TIMELESS: variants seen among roughly 807,000 people sequenced by gnomAD.
TIMELESS encodes protein timeless homolog.
Under a neutral mutation model 164.3 loss-of-function variants are expected in TIMELESS, and 124 were observed. The observed-to-expected ratio is 0.75, with a 90% CI of 0.65 to 0.88. The LOEUF (loss-of-function observed/expected upper bound fraction) is 0.88, where lower values mean the gene tolerates loss of function less well. Among genes scored for constraint, TIMELESS ranks in the 40% least tolerant of loss-of-function variants. The probability of loss-of-function intolerance (pLI) is 0.00; values close to 1 mark genes in which losing one functional copy is unlikely to be tolerated. For missense variants in TIMELESS, 1,422 were observed against 1,491.4 expected, an observed-to-expected ratio of 0.95 and a Z score of 0.77; for synonymous variants, 564 against 563.4, an observed-to-expected ratio of 1.00 and a Z score of -0.02.
chr12:56,442,617 A>G (rs1868292487), intron 1 of TIMELESS, among the ~76,000 whole-genome samples: 1 of 152,154 alleles, frequency 6.6e-6, no homozygotes, highest in Non-Finnish European at 1.5e-5. Flanking sequence ...ACCCTGCAAA[A>G]GACCATACAT....
rs567747429 is a variant in TIMELESS, at chr12:56,424,785, G to T, written c.1845C>A (p.Ala615=). The change falls in exon 15 of 29, where the codon GCC becomes GCA. Residue 615 remains alanine, a synonymous_variant. Coordinates refer to ENST00000553532, the MANE Select transcript of TIMELESS (RefSeq NM_003920.5). ...ACCGAGCAGACCTCAGGAGAGTCAG[G>T]GCCTGTGGGGCCTGGCCAGCCAGGA... ...DCLLAGQAPQ[A]LTLLRSAREV... is the part of the protein sequence containing the mutation. 6.2e-7 allele frequency: 1 copy of T among 1,614,098 alleles called. No individual in the cohort carries two copies. The highest frequency in any genetic ancestry group is 8.5e-7 in the Non-Finnish European group (1 of 1,180,028).
intron 1 of TIMELESS, among the ~76,000 whole-genome samples, chr12:56,441,496 G>C (rs966410506): frequency 1.3e-5 from 2 of 152,132 alleles, no homozygotes; most frequent in Non-Finnish European, 2.9e-5. Flanking sequence ...GCATGCTGAT[G>C]TACACCTTTA....
At chr12:56,420,006 CAAA>C (rs57647901) in intron 26 of TIMELESS, among the ~76,000 whole-genome samples, 4 of 13,288 alleles carry the variant, frequency 3.0e-4, no homozygotes, top group Admixed American at 1.9e-3. Context: ...GACTCTGTCT[CAAA>C]AAAAAAAAAA....
intron 1 of TIMELESS, among the ~76,000 whole-genome samples, chr12:56,446,106 T>C (rs1284263668): frequency 1.3e-5 from 2 of 152,172 alleles, no homozygotes; most frequent in African/African-American, 2.4e-5. Flanking sequence ...GGTTTTGTCA[T>C]GTTGCCCGGG....
rs767108552 is a variant in TIMELESS at position 56,421,151 on chromosome 12, GT to G, written c.2869-18del. 1 of 1,613,390 alleles carries G rather than the reference GT, an allele frequency of 6.2e-7. No individual in the cohort carries two copies. The highest frequency in any genetic ancestry group is 1.1e-5 in the South Asian group (1 of 91,044). The stretch of plus-strand genomic sequence containing the variant: ...TCCATTTGGCTAAAATTCATTGGGG[GT>G]TGGGGGAATGAAAATGAAGGCAACA... On this transcript the variant is annotated intron_variant, in intron 23 of 28. Coordinates refer to ENST00000553532, the MANE Select transcript of TIMELESS (RefSeq NM_003920.5).
intron 1 of TIMELESS, among the ~76,000 whole-genome samples, chr12:56,436,412 C>G (rs192007443): frequency 7.8e-4 from 119 of 152,232 alleles, no homozygotes; most frequent in Non-Finnish European, 1.6e-3. Flanking sequence ...CGAGATCACG[C>G]CACCACACTC....
Position 56,421,920 on chromosome 12 carries a change from T to A in TIMELESS, c.2621A>T (p.Asp874Val). 6.2e-7 allele frequency: 1 copy of A among 1,614,166 alleles called. No homozygotes were observed. Among genetic ancestry groups the A allele is most frequent in the Non-Finnish European group, 8.5e-7 (1 of 1,180,020 alleles). Residue 874 changes from aspartate (D) to valine (V), a missense_variant, in exon 21 of 29, where the codon GAC becomes GTC. Asp to Val is a radical substitution (Grantham distance 152, BLOSUM62 -3). Coordinates refer to ENST00000553532, the MANE Select transcript of TIMELESS (RefSeq NM_003920.5). Reference sequence around the variant, plus strand: ...CTACCTTTGGAAGTCCTTGACACTGTCAGCCAGTCCCATCTGTACCAGATG... The same window carrying A: ...CTACCTTTGGAAGTCCTTGACACTGACAGCCAGTCCCATCTGTACCAGATG... ...IHHLVQMGLA[D>V]SVKDFQRKGT...
At position 56,424,920 on chromosome 12, in the gene TIMELESS, A is replaced by T; in HGVS notation, c.1717-7T>A. On this transcript the variant is annotated splice_region_variant and splice_polypyrimidine_tract_variant and intron_variant, in intron 14 of 28. Coordinates refer to ENST00000553532, the MANE Select transcript of TIMELESS (RefSeq NM_003920.5). ...CCATGCTGAGCTCAGAATTCTAGAG[A>T]TGGATAAAGCTATGGGAGCGGAGGG... 1.2e-6 allele frequency: 2 copies of T among 1,614,170 alleles called. No individual in the cohort carries two copies. The highest frequency in any genetic ancestry group is 2.2e-5 in the South Asian group (2 of 91,082).
chr12:56,446,591 G>C (rs1868353147), intron 1 of TIMELESS, among the ~76,000 whole-genome samples: 1 of 152,084 alleles, frequency 6.6e-6, no homozygotes, highest in South Asian at 2.1e-4. Flanking sequence ...AGCACTTTGG[G>C]TGGCTGAGGC....
At position 56,431,624 on chromosome 12, in the gene TIMELESS, G is replaced by A; in HGVS notation, c.688-20C>T. 6.2e-7 allele frequency: 1 copy of A among 1,604,682 alleles called. No homozygotes were observed. The highest frequency in any genetic ancestry group is 8.5e-7 in the Non-Finnish European group (1 of 1,177,258). ...GGGGTTCTAGATTGGAACAAAGAGG[G>A]AAGAATCAGGAGGACAGTCATTCCT... On this transcript the variant is annotated intron_variant, in intron 7 of 28. Coordinates refer to ENST00000553532, the MANE Select transcript of TIMELESS (RefSeq NM_003920.5).
chr12:56,422,347 T>G (rs1881525959), intron 19 of TIMELESS, 156 bp from the exon 20 acceptor site: 1 of 615,136 alleles, frequency 1.6e-6, no homozygotes, highest in Admixed American at 3.0e-5. Context: ...CTCCTTCCCC[T>G]CACTTTCCTT....
chr12:56,446,786 G>C (rs1380465265), intron 1 of TIMELESS, among the ~76,000 whole-genome samples: 1 of 143,000 alleles, frequency 7.0e-6, no homozygotes, highest in Non-Finnish European at 1.5e-5. Flanking sequence ...CTCCAGCCTG[G>C]ACAATAAGAG....
Position 56,421,955 on chromosome 12 carries a change from C to T in TIMELESS, c.2586G>A (p.Gln862=), listed in dbSNP as rs1395099388. The change falls in exon 21 of 29, where the codon CAG becomes CAA. Residue 862 remains glutamine, a synonymous_variant. Transcript: ENST00000553532. ...CCATCTGTACCAGATGGTGGATGAT[C>T]TGCTTGCGTGTTCGAGGAACAGTAT... The part of the protein sequence containing the change: ...HLNTVPRTRK[Q]IIHHLVQMGL... The T allele has an allele frequency of 1.2e-6, 2 of 1,614,066 alleles. No homozygotes were observed. The highest frequency in any genetic ancestry group is 8.5e-7 in the Non-Finnish European group (1 of 1,180,054).
intron 19 of TIMELESS, 21 bp downstream of exon 19, chr12:56,422,826 C>CAA: frequency 1.9e-6 from 3 of 1,577,410 alleles, no homozygotes; most frequent in Non-Finnish European, 1.7e-6. Context: ...CCCACCCACC[C>CAA]TTTGCCAACT....
rs536631903 is a variant in TIMELESS at position 56,441,704 on chromosome 12, T to C, written c.-61-7473A>G. On this transcript the variant is annotated intron_variant, in intron 1 of 28. Coordinates refer to ENST00000553532, the MANE Select transcript of TIMELESS (RefSeq NM_003920.5). ...TTTCCTCTCCATCTGTCAGACTCTA[T>C]AGTCAGTTACTAAATGCTTAGGGAG... Among the ~76,000 whole-genome samples the C allele has an allele frequency of 7.8e-4, 117 of 150,300 alleles. 2 individuals are homozygous for C. In the Middle Eastern group the frequency reaches 0.017, roughly 22 times the overall value.
At chr12:56,444,079 G>C (rs1868316162) in intron 1 of TIMELESS, among the ~76,000 whole-genome samples, 1 of 152,012 alleles carries the variant, frequency 6.6e-6, no homozygotes, top group Admixed American at 6.6e-5. Flanking sequence ...TGTATTTTTA[G>C]TAGAGACATG....
At chr12:56,417,884 G>A (rs749656873) in intron 28 of TIMELESS, 23 bp downstream of exon 28, 3 of 1,614,054 alleles carry the variant, frequency 1.9e-6, no homozygotes, top group South Asian at 1.1e-5. Context: ...AGAAGAAAAA[G>A]AAGGTCCCAT....
At chr12:56,444,204 G>T (rs917472614) in intron 1 of TIMELESS, among the ~76,000 whole-genome samples, 7 of 151,490 alleles carry the variant, frequency 4.6e-5, no homozygotes, top group African/African-American at 1.7e-4. Flanking sequence ...CCTCATTTCT[G>T]TATTCTTGGT....
chr12:56,417,823 T>C, intron 28 of TIMELESS, 37 bp from the exon 29 acceptor site: 6 of 1,613,394 alleles, frequency 3.7e-6, no homozygotes, highest in Non-Finnish European at 5.1e-6. Flanking sequence ...AGAGAGAATA[T>C]CTAAATATGT....
Sources: gnomAD v4.1 joint callset for allele counts (sites outside exome capture counted in the v4.1 genomes callset) on GRCh38, gnomAD v4.1.1 for gene constraint, MANE v1.5 for transcripts, NCBI Gene and HGNC (gene_info 2026-07-23, HGNC 2026-07-21) for gene names.